The following TMEM45B variants were observed in gnomAD, a reference collection of about 807,000 sequenced individuals.
The protein encoded by TMEM45B is transmembrane protein 45B.
A neutral mutation model predicts 27.3 loss-of-function variants in TMEM45B; 29 were observed. The observed-to-expected ratio is 1.06, with a 90% confidence interval of 0.79 to 1.45. TMEM45B has a LOEUF of 1.45. TMEM45B is among the 40% of genes most tolerant of loss of function. The pLI is 0.00. For missense variants in TMEM45B, 348 were observed against 343.9 expected (o/e 1.01, Z -0.09); for synonymous variants, 143 against 134.7 (o/e 1.06, Z -0.43).
chr11:129,833,366 C>T (rs1050379456), intron 1 of TMEM45B, among the ~76,000 whole-genome samples: 3 of 152,072 alleles, frequency 2.0e-5, no homozygotes, highest in African/African-American at 4.8e-5. Context: ...TGTTGAAGTC[C>T]TCACCTCCAG....
At chr11:129,850,897 T>C (rs1457532386) in intron 1 of TMEM45B, among the ~76,000 whole-genome samples, 1 of 152,214 alleles carries the variant, frequency 6.6e-6, no homozygotes, top group Non-Finnish European at 1.5e-5. Context: ...CCAGCTTGTA[T>C]TCATTATCCA....
chr11:129,831,300 G>C (rs564240379), intron 1 of TMEM45B, among the ~76,000 whole-genome samples: 3 of 151,990 alleles, frequency 2.0e-5, no homozygotes, highest in Non-Finnish European at 4.4e-5. Flanking sequence ...TGGCATAATC[G>C]AACTGCCAGC....
In TMEM45B at chr11:129,827,965, G is replaced by C. The variant is rs530596887; in HGVS notation, c.-9+12067G>C. 4.6e-5 allele frequency among the ~76,000 whole-genome samples: 7 copies of C among 152,114 alleles called. No individual in the cohort carries two copies. The East Asian group carries it at 9.7e-4, about 21-fold the overall frequency. On this transcript the variant is annotated intron_variant, in intron 1 of 5. Transcript: ENST00000281441. ...AGCCTGGGCAATAGAGTGAGACCTT[G>C]TCTCAAAAAAAAGAAACAAAAAAGT...
intron 1 of TMEM45B, among the ~76,000 whole-genome samples, chr11:129,821,310 C>G (rs112877848): frequency 0.043 from 6,548 of 152,166 alleles, 179 homozygotes; most frequent in Non-Finnish European, 0.063. Flanking sequence ...GGAGGAAACG[C>G]CAGGCCGCCA....
chr11:129,852,169 G>A (rs1307323309), intron 1 of TMEM45B, among the ~76,000 whole-genome samples: 1 of 151,996 alleles, frequency 6.6e-6, no homozygotes, highest in Non-Finnish European at 1.5e-5. Flanking sequence ...TTATGTTTAT[G>A]GCTTGGAAGT....
rs912266722 is a variant in TMEM45B at position 129,852,531 on chromosome 11, A to G, written c.49A>G (p.Ile17Val). 3 of 1,612,370 alleles carry G rather than the reference A, an allele frequency of 1.9e-6. No individual in the cohort carries two copies. Among genetic ancestry groups the G allele is most frequent in the African/African-American group, 1.3e-5 (1 of 74,994 alleles). Residue 17 changes from isoleucine (I) to valine (V), a missense_variant, in exon 2 of 6, where the codon ATT (isoleucine) becomes GTT (valine). Physicochemically the swap from Ile to Val is conservative, Grantham distance 29 (BLOSUM62 3). Transcript: ENST00000281441. ...HALPGSFFLI[I>V]GLCWSVKYPL... The stretch of plus-strand genomic sequence containing the variant: ...GCTTCCAGGGAGTTTCTTCCTGATC[A>G]TTGGGCTGTGTTGGTCAGTGAAGTA...
chr11:129,855,640 T>G (rs1591453743), intron 3 of TMEM45B, 68 bp from the exon 4 acceptor site: 4 of 1,554,568 alleles, frequency 2.6e-6, no homozygotes, highest in Non-Finnish European at 3.5e-6. Flanking sequence ...GAGACAGGTG[T>G]AGGAGGAAAC....
At chr11:129,855,950 C>T in intron 4 of TMEM45B, 58 bp downstream of exon 4, 1 of 1,586,526 alleles carries the variant, frequency 6.3e-7, no homozygotes, top group Admixed American at 1.7e-5. Context: ...CCACCGAGCG[C>T]ATCCCAGAGA....
At chr11:129,856,023 G>T (rs1174995881) in intron 4 of TMEM45B, 131 bp downstream of exon 4, 3 of 1,077,518 alleles carry the variant, frequency 2.8e-6, no homozygotes, top group Non-Finnish European at 4.0e-6. Flanking sequence ...AAGGGGTTTA[G>T]ATGACCCTTT....
chr11:129,847,448 C>T (rs1356247531), intron 1 of TMEM45B, among the ~76,000 whole-genome samples: 2 of 141,402 alleles, frequency 1.4e-5, no homozygotes, highest in Non-Finnish European at 3.1e-5. Flanking sequence ...TTGGGTGTTT[C>T]TCGCAGAGGG....
intron 2 of TMEM45B, among the ~76,000 whole-genome samples, chr11:129,853,491 C>T (rs1397090282): frequency 1.3e-5 from 2 of 152,218 alleles, no homozygotes; most frequent in Non-Finnish European, 2.9e-5. Flanking sequence ...ACCATTCAGG[C>T]ATCAGAGAGG....
intron 1 of TMEM45B, among the ~76,000 whole-genome samples, chr11:129,830,303 GGA>G (rs1947533172): frequency 6.6e-6 from 1 of 152,108 alleles, no homozygotes; most frequent in African/African-American, 2.4e-5. Context: ...CTCCAGCCTG[GGA>G]GACAAGAGCA....
chr11:129,817,970 A>G (rs1387335337), intron 1 of TMEM45B, among the ~76,000 whole-genome samples: 1 of 152,236 alleles, frequency 6.6e-6, no homozygotes, highest in African/African-American at 2.4e-5. Context: ...CTAGTGTGTC[A>G]TCAACTAATG....
At chr11:129,845,312 G>T (rs948362369) in intron 1 of TMEM45B, among the ~76,000 whole-genome samples, 1 of 140,660 alleles carries the variant, frequency 7.1e-6, no homozygotes, top group Non-Finnish European at 1.5e-5. Context: ...CATGAAGGAA[G>T]GGGTAGGAAA....
intron 5 of TMEM45B, 73 bp downstream of exon 5, chr11:129,857,531 T>G: frequency 6.4e-7 from 1 of 1,566,600 alleles, no homozygotes; most frequent in East Asian, 2.3e-5. Flanking sequence ...TTGCACCATC[T>G]GATGAGTGCC....
At chr11:129,829,024 A>G (rs1031824136) in intron 1 of TMEM45B, among the ~76,000 whole-genome samples, 12 of 152,186 alleles carry the variant, frequency 7.9e-5, no homozygotes, top group African/African-American at 2.7e-4. Flanking sequence ...TATTCTAGTC[A>G]CCTGCTAGAC....
intron 1 of TMEM45B, among the ~76,000 whole-genome samples, chr11:129,818,306 C>A (rs1326322352): frequency 6.6e-6 from 1 of 152,230 alleles, no homozygotes; most frequent in Non-Finnish European, 1.5e-5. Flanking sequence ...AAAGGTCTAT[C>A]AGCCTTCTGT....
chr11:129,841,589 T>G (rs1947693902), intron 1 of TMEM45B, among the ~76,000 whole-genome samples: 1 of 132,386 alleles, frequency 7.6e-6, no homozygotes, highest in Non-Finnish European at 1.7e-5. Flanking sequence ...CTTTTGTTTT[T>G]TTGTTTTTTT....
At chr11:129,854,551 C>G (rs992277815) in intron 2 of TMEM45B, 59 bp from the exon 3 acceptor site, 1 of 1,555,736 alleles carries the variant, frequency 6.4e-7, no homozygotes, top group Non-Finnish European at 8.8e-7. Context: ...TTATTCCTTG[C>G]TCCTATTTGT....
Sources: allele counts gnomAD v4.1 joint callset (sites outside exome capture counted in the v4.1 genomes callset), GRCh38; gene constraint gnomAD v4.1.1; transcripts MANE v1.5; gene names NCBI Gene and HGNC (gene_info 2026-07-23, HGNC 2026-07-21).